Variants in LRRC4C observed in about 807,000 individuals in gnomAD.
The protein encoded by LRRC4C is leucine rich repeat containing 4C, also known as leucine-rich repeat-containing protein 4C.
A neutral mutation model predicts 33.6 loss-of-function variants in LRRC4C; 5 were observed. The ratio of observed to expected loss-of-function variants is 0.15; its 90% CI spans 0.08 to 0.31. The LOEUF (loss-of-function observed/expected upper bound fraction) is 0.31. Ranked by LOEUF, LRRC4C falls within the 10% of genes least tolerant of loss-of-function variation. The probability of loss-of-function intolerance (pLI) is 1.00; values close to 1 mark genes in which losing one functional copy is unlikely to be tolerated. For synonymous variants in LRRC4C, 329 were observed against 302.0 expected (o/e 1.09, Z -0.93); for missense variants, 560 against 796.7 (o/e 0.70, Z 3.58).
At chr11:40,982,641 C>G (rs1852625011) in intron 1 of LRRC4C, among the ~76,000 whole-genome samples, 1 of 152,042 alleles carries the variant, frequency 6.6e-6, no homozygotes, top group Non-Finnish European at 1.5e-5. Flanking sequence ...CTAGAATTAT[C>G]TGACTGAAAT....
At chr11:41,148,259 C>T (rs968057282) in intron 1 of LRRC4C, among the ~76,000 whole-genome samples, 1 of 151,992 alleles carries the variant, frequency 6.6e-6, no homozygotes, top group Non-Finnish European at 1.5e-5. Context: ...TTCTGATCTG[C>T]CTGCCTCAGA....
chr11:41,188,322 C>T (rs1167751739), intron 1 of LRRC4C, among the ~76,000 whole-genome samples: 1 of 152,038 alleles, frequency 6.6e-6, no homozygotes, highest in Admixed American at 6.6e-5. Context: ...TATGTCTCCT[C>T]TAAGTAAGCA....
At chr11:40,192,154 A>G (rs1044733610) in intron 5 of LRRC4C, among the ~76,000 whole-genome samples, 1 of 152,170 alleles carries the variant, frequency 6.6e-6, no homozygotes, top group African/African-American at 2.4e-5. Flanking sequence ...TAAAATAGTC[A>G]TAAGATTTCC....
intron 3 of LRRC4C, among the ~76,000 whole-genome samples, chr11:40,549,061 T>C (rs182791636): frequency 6.6e-6 from 1 of 152,276 alleles, no homozygotes; most frequent in East Asian, 1.9e-4. Context: ...TTTTCAAACT[T>C]GCATTAAAAT....
chr11:41,094,341 C>T (rs941918209), intron 1 of LRRC4C, among the ~76,000 whole-genome samples: 8 of 151,590 alleles, frequency 5.3e-5, no homozygotes, highest in African/African-American at 1.5e-4. Context: ...CTGGCTAACA[C>T]GGTGAAACCC....
chr11:41,235,403 A>G (rs1020491369), intron 1 of LRRC4C, among the ~76,000 whole-genome samples: 1 of 152,086 alleles, frequency 6.6e-6, no homozygotes, highest in Non-Finnish European at 1.5e-5. Flanking sequence ...CTTCACCTGC[A>G]TGAAGCAGTA....
intron 3 of LRRC4C, among the ~76,000 whole-genome samples, chr11:40,526,106 C>T (rs1488967394): frequency 6.6e-6 from 1 of 151,400 alleles, no homozygotes; most frequent in Non-Finnish European, 1.5e-5. Flanking sequence ...TAGTTTTAAC[C>T]TAATCGTGAA....
intron 2 of LRRC4C, among the ~76,000 whole-genome samples, chr11:40,755,301 C>T (rs1177433434): frequency 6.6e-6 from 1 of 152,018 alleles, no homozygotes; most frequent in Non-Finnish European, 1.5e-5. Flanking sequence ...ATGGCATAAA[C>T]TCTAGGAAGA....
intron 3 of LRRC4C, among the ~76,000 whole-genome samples, chr11:40,478,513 T>A (rs1185751579): frequency 6.6e-6 from 1 of 152,158 alleles, no homozygotes; most frequent in Non-Finnish European, 1.5e-5. Flanking sequence ...GCTGGTGAGA[T>A]TGCAAGTTAA....
chr11:41,321,837 C>T (rs976447835), intron 1 of LRRC4C, among the ~76,000 whole-genome samples: 3 of 151,970 alleles, frequency 2.0e-5, no homozygotes, highest in Non-Finnish European at 4.4e-5. Flanking sequence ...ATTCCCAAGC[C>T]CACATATCTA....
At chr11:40,945,407 T>C (rs1285567740) in intron 1 of LRRC4C, among the ~76,000 whole-genome samples, 1 of 152,102 alleles carries the variant, frequency 6.6e-6, no homozygotes, top group African/African-American at 2.4e-5. Context: ...CAATTTATAT[T>C]AACTATCAAT....
In LRRC4C at chr11:41,124,252, C is replaced by T. The variant is rs78241628; in HGVS notation, c.-495-190529G>A. On this transcript the variant is annotated intron_variant, in intron 1 of 6. Transcript: ENST00000528697. ...TAGCATCAATTTAGAAATGAAGAAACTGAGGCATCAGGCATACTAGAATTT... is the reference window on the plus strand; with the variant it reads ...TAGCATCAATTTAGAAATGAAGAAATTGAGGCATCAGGCATACTAGAATTT... 3.5e-3 allele frequency among the ~76,000 whole-genome samples: 526 copies of T among 152,246 alleles called. 3 individuals carry two copies. Among genetic ancestry groups the T allele is most frequent in the African/African-American group, 0.012 (493 of 41,550 alleles).
At chr11:41,092,172 G>C (rs1213202665) in intron 1 of LRRC4C, among the ~76,000 whole-genome samples, 1 of 151,778 alleles carries the variant, frequency 6.6e-6, no homozygotes, top group Non-Finnish European at 1.5e-5. Flanking sequence ...TTTTTGTATG[G>C]TTCAATCTGA....
chr11:40,173,871 A>AT (rs1388793130), intron 5 of LRRC4C, among the ~76,000 whole-genome samples: 1 of 152,196 alleles, frequency 6.6e-6, no homozygotes, highest in Non-Finnish European at 1.5e-5. Context: ...ATGAATACTT[A>AT]TGTTGGTAAA....
At chr11:41,444,899 G>A (rs1248550781) in intron 1 of LRRC4C, among the ~76,000 whole-genome samples, 1 of 151,898 alleles carries the variant, frequency 6.6e-6, no homozygotes, top group Non-Finnish European at 1.5e-5. Flanking sequence ...CACCTCCCGG[G>A]TTCAAGTGAT....
chr11:40,654,831 C>G, intron 2 of LRRC4C, among the ~76,000 whole-genome samples: 1 of 152,144 alleles, frequency 6.6e-6, no homozygotes, highest in Non-Finnish European at 1.5e-5. Context: ...ACCCACGTGT[C>G]AAAGACAGGA....
rs562257246 is a variant in LRRC4C, at chr11:40,607,935, T to C, written c.-270+40207A>G. Reference sequence around the variant, plus strand: ...TGCCTACATGCTCCCTCTAGGGGTGTGATCTGTGGGGCACCAAAGAAGCAA... The same window carrying C: ...TGCCTACATGCTCCCTCTAGGGGTGCGATCTGTGGGGCACCAAAGAAGCAA... On this transcript the variant is annotated intron_variant, in intron 3 of 6. Transcript: ENST00000528697. Among the ~76,000 whole-genome samples, 61 of 152,158 alleles carry C rather than the reference T, an allele frequency of 4.0e-4. No homozygotes were observed. In the South Asian group the frequency reaches 0.012, roughly 31 times the overall value.
rs561525382 is a variant in LRRC4C at position 40,888,734 on chromosome 11, C to A, written c.-407+44901G>T. 1.7e-3 allele frequency among the ~76,000 whole-genome samples: 257 copies of A among 152,030 alleles called. 3 individuals carry two copies. Among genetic ancestry groups the A allele is most frequent in the Non-Finnish European group, 2.5e-3 (173 of 67,844 alleles). On this transcript the variant is annotated intron_variant, in intron 2 of 6. Coordinates refer to ENST00000528697, the MANE Select transcript of LRRC4C (RefSeq NM_001258419.2). ...AAACTTTTAGAGCATGATATGGTAA[C>A]TGTTTATAATGAAATATCTTCTCTT...
At chr11:40,476,552 G>T (rs1250625762) in intron 3 of LRRC4C, among the ~76,000 whole-genome samples, 1 of 151,574 alleles carries the variant, frequency 6.6e-6, no homozygotes, top group Non-Finnish European at 1.5e-5. Flanking sequence ...CACTATGTTG[G>T]CCAGGCTGGT....
Sources: gnomAD v4.1 joint callset for allele counts (sites outside exome capture counted in the v4.1 genomes callset) on GRCh38, gnomAD v4.1.1 for gene constraint, MANE v1.5 for transcripts, NCBI Gene and HGNC (gene_info 2026-07-23, HGNC 2026-07-21) for gene names.